Variants in TRPV3 observed in about 807,000 individuals in gnomAD.
The protein encoded by TRPV3 is transient receptor potential cation channel subfamily V member 3.
TRPV3 carries 88 observed loss-of-function variants against 87.1 expected under a neutral mutation model. The observed-to-expected ratio is 1.01, with a 90% CI of 0.85 to 1.21. TRPV3 has a LOEUF of 1.21. Ranked by LOEUF, TRPV3 falls within the 50% of genes most tolerant of loss-of-function variation. The pLI, the probability that TRPV3 is intolerant of heterozygous loss-of-function variation, is 0.00. For missense variants in TRPV3, 1,054 were observed against 1,030.1 expected (o/e 1.02, Z -0.32); for synonymous variants, 438 against 423.3 (o/e 1.03, Z -0.43).
chr17:3,543,486 C>T lies in TRPV3; in HGVS notation c.454G>A (p.Glu152Lys). Reference protein sequence around the residue: ...LQELCRRRHDEDVPDFLMHKL... With the variant: ...LQELCRRRHDKDVPDFLMHKL... ...CTCAGACACTCACCAGGCACATCCT[C>T]ATCATGGCGCCGCCTGCAAAGCTCC... The change falls in exon 5 of 18, where the codon GAG becomes AAG. Residue 152 changes from glutamate (E) to lysine (K), a missense_variant. Physicochemically the swap from Glu to Lys is moderately conservative, Grantham distance 56. Coordinates refer to ENST00000576742, the MANE Select transcript of TRPV3 (RefSeq NM_145068.4). 1 of 1,613,386 alleles carries T rather than the reference C, an allele frequency of 6.2e-7. No individual in the cohort carries two copies. Among genetic ancestry groups the T allele is most frequent in the South Asian group, 1.1e-5 (1 of 91,086 alleles).
chr17:3,523,951 C>T (rs116801091), intron 13 of TRPV3, among the ~76,000 whole-genome samples: 36 of 151,916 alleles, frequency 2.4e-4, no homozygotes, highest in Admixed American at 1.8e-3. Flanking sequence ...TTTACCAGCA[C>T]GCCACTGCCC....
intron 9 of TRPV3, 105 bp from the exon 10 acceptor site, chr17:3,529,100 A>G: frequency 1.6e-6 from 2 of 1,281,382 alleles, no homozygotes; most frequent in South Asian, 2.6e-5. Context: ...GAAGGGGCCC[A>G]TCATTATGCC....
Position 3,535,704 on chromosome 17 carries a change from G to C in TRPV3, c.653C>G (p.Ala218Gly). ...CCGCCGCTCGATGGCGATGTTCAGC[G>C]CCGTCTGCCCTGCGGAGCGGGCGGG... ...YTEEAYEGQT[A>G]LNIAIERRQG... is the part of the protein sequence containing the mutation. Residue 218 changes from alanine (A) to glycine (G), a missense_variant, in exon 7 of 18, where the codon GCG (alanine) becomes GGG (glycine). Physicochemically the swap from Ala to Gly is moderately conservative, Grantham distance 60. Coordinates refer to ENST00000576742, the MANE Select transcript of TRPV3 (RefSeq NM_145068.4). 1 of 1,544,322 alleles carries C rather than the reference G, an allele frequency of 6.5e-7. No individual in the cohort carries two copies. Among genetic ancestry groups the C allele is most frequent in the Non-Finnish European group, 8.7e-7 (1 of 1,148,330 alleles).
intron 2 of TRPV3, among the ~76,000 whole-genome samples, chr17:3,546,090 T>C (rs2074523053): frequency 1.3e-5 from 2 of 150,562 alleles, no homozygotes; most frequent in Admixed American, 6.6e-5. Flanking sequence ...TGAAAAGGGG[T>C]GGGTAGTGGA....
chr17:3,549,025 G>A (rs950673078), intron 2 of TRPV3, among the ~76,000 whole-genome samples: 5 of 152,090 alleles, frequency 3.3e-5, no homozygotes, highest in African/African-American at 4.8e-5. Context: ...CAGAACTTTT[G>A]CCCTAAAGTA....
chr17:3,515,596 G>T (rs2074174586), intron 16 of TRPV3, among the ~76,000 whole-genome samples: 1 of 151,974 alleles, frequency 6.6e-6, no homozygotes, highest in South Asian at 2.1e-4. Context: ...GGGAGGCGGA[G>T]GTTGCAGTGA....
chr17:3,530,492 G>A lies in TRPV3; in HGVS notation c.1066-289C>T, dbSNP rs536565743. Among the ~76,000 whole-genome samples the A allele has an allele frequency of 1.3e-5, 2 of 152,076 alleles. No individual in the cohort carries two copies. The highest frequency in any genetic ancestry group is 2.1e-4 in the South Asian group (1 of 4,830). On this transcript the variant is annotated intron_variant, in intron 8 of 17. Coordinates refer to ENST00000576742, the MANE Select transcript of TRPV3 (RefSeq NM_145068.4). The surrounding 1 kb of genome is among the most constrained non-coding windows in gnomAD (Gnocchi z 4.0). ...GCACAATCAGCTTGAAATGCCTCAC[G>A]CCAGCTGGGGACCCGGTTCGGTGAA...
At chr17:3,537,279 G>A (rs1285777666) in intron 6 of TRPV3, among the ~76,000 whole-genome samples, 1 of 152,172 alleles carries the variant, frequency 6.6e-6, no homozygotes, top group Non-Finnish European at 1.5e-5. Context: ...TTTGGCATAA[G>A]AAATGCTCTA....
chr17:3,526,933 G>A lies in TRPV3; in HGVS notation c.1504-6C>T. 5 of 1,609,342 alleles carry A rather than the reference G, an allele frequency of 3.1e-6. No homozygotes were observed. Among genetic ancestry groups the A allele is most frequent in the Non-Finnish European group, 4.2e-6 (5 of 1,177,862 alleles). ...AGCAGGAAGATGGCAATGCCCTAAG[G>A]CCAGGAAGGAAAGAAACAGTGCACC... On this transcript the variant is annotated splice_region_variant and splice_polypyrimidine_tract_variant and intron_variant, in intron 11 of 17. Transcript: ENST00000576742.
In TRPV3 at chr17:3,528,461, C is replaced by T. The variant is rs1442582204; in HGVS notation, c.1402-335G>A. Reference sequence around the variant, plus strand: ...GTTAAATAAAGCCGAGGCTCTGTGCCCCACGTGACGCATGGGAAACCGAAG... The same window carrying T: ...GTTAAATAAAGCCGAGGCTCTGTGCTCCACGTGACGCATGGGAAACCGAAG... On this transcript the variant is annotated intron_variant, in intron 10 of 17. Coordinates refer to ENST00000576742, the MANE Select transcript of TRPV3 (RefSeq NM_145068.4). This position sits in a 1 kb window ranked among gnomAD's most constrained non-coding sequence, Gnocchi z 4.2. Among the ~76,000 whole-genome samples the T allele has an allele frequency of 1.3e-5, 2 of 152,212 alleles. No individual in the cohort carries two copies. Among genetic ancestry groups the T allele is most frequent in the Non-Finnish European group, 2.9e-5 (2 of 68,038 alleles).
chr17:3,522,383 T>A (rs1204586490), intron 13 of TRPV3, among the ~76,000 whole-genome samples: 1 of 152,178 alleles, frequency 6.6e-6, no homozygotes. Context: ...GACCCAGAAA[T>A]ATTACACACA....
In TRPV3 at chr17:3,543,547, G is replaced by C; in HGVS notation, c.393C>G (p.Cys131Trp). 6.2e-7 allele frequency: 1 copy of C among 1,614,002 alleles called. No individual in the cohort carries two copies. The highest frequency in any genetic ancestry group is 8.5e-7 in the Non-Finnish European group (1 of 1,180,022). ...CCAGCAACTCTACCAACTCCTCCAC[G>C]CAGCCCTCAGACACGGCTGCAAAGA... ...KRIFAAVSEG[C>W]VEELVELLVE... The change falls in exon 5 of 18, where the codon TGC (cysteine) becomes TGG (tryptophan). Residue 131 changes from cysteine to tryptophan, a missense_variant. By Grantham distance (215) the Cys-to-Trp change is radical. Transcript: ENST00000576742.
At chr17:3,531,078 AC>A (rs1284775829) in intron 8 of TRPV3, among the ~76,000 whole-genome samples, 2 of 142,568 alleles carry the variant, frequency 1.4e-5, no homozygotes, top group African/African-American at 6.1e-5. Flanking sequence ...AACAAAACAA[AC>A]AAACAAAAAA....
rs78217382 is a variant in TRPV3, at chr17:3,531,234, C to A, written c.1066-1031G>T. On this transcript the variant is annotated intron_variant, in intron 8 of 17. Transcript: ENST00000576742. ...TCTCTGGCTTCCTACTTCCAAAAAG[C>A]TGAGCCCTGGGTTACCCCAGGATGA... Among the ~76,000 whole-genome samples the A allele has an allele frequency of 5.6e-3, 847 of 152,240 alleles. 19 individuals are homozygous for A. The East Asian group carries it at 0.085, about 15-fold the overall frequency.
intron 7 of TRPV3, 53 bp downstream of exon 7, chr17:3,535,520 C>A (rs555234355): frequency 2.0e-5 from 30 of 1,499,602 alleles, no homozygotes; most frequent in Middle Eastern, 3.6e-4. Context: ...CTTCCTCTCC[C>A]GTCTCCCTCC....
At chr17:3,547,731 G>A (rs2074539930) in intron 2 of TRPV3, among the ~76,000 whole-genome samples, 1 of 152,200 alleles carries the variant, frequency 6.6e-6, no homozygotes, top group African/African-American at 2.4e-5. Flanking sequence ...GGCAGCGGAG[G>A]GGAGGGGCAG....
At chr17:3,545,435 G>A (rs1487102512) in intron 2 of TRPV3, among the ~76,000 whole-genome samples, 164 bp from the exon 3 acceptor site, 3 of 152,220 alleles carry the variant, frequency 2.0e-5, no homozygotes, top group Non-Finnish European at 2.9e-5. Flanking sequence ...CTCGGAGATG[G>A]ACACTGTCAT....
chr17:3,532,331 C>T (rs2074355786), intron 8 of TRPV3, among the ~76,000 whole-genome samples: 1 of 152,272 alleles, frequency 6.6e-6, no homozygotes, highest in Admixed American at 6.5e-5. Context: ...GGCAGAAGGC[C>T]CCAAGGGCCA....
intron 3 of TRPV3, 53 bp from the exon 4 acceptor site, chr17:3,544,718 CG>C: frequency 7.4e-7 from 1 of 1,346,264 alleles, no homozygotes. Context: ...TAAAATGGGC[CG>C]GGTGAGGTGG....
Sources: allele counts gnomAD v4.1 joint callset (sites outside exome capture counted in the v4.1 genomes callset), GRCh38; gene constraint gnomAD v4.1.1; non-coding constraint Gnocchi (gnomAD v3.1); transcripts MANE v1.5; gene names NCBI Gene and HGNC (gene_info 2026-07-23, HGNC 2026-07-21).